FGD4: variants seen among roughly 807,000 people sequenced by gnomAD.
FGD4 encodes FYVE, RhoGEF and PH domain containing 4, also known as FYVE, RhoGEF and PH domain-containing protein 4.
FGD4 carries 42 observed loss-of-function variants against 102.0 expected under a neutral mutation model. The ratio of observed to expected loss-of-function variants is 0.41; its 90% CI spans 0.32 to 0.53. The LOEUF is 0.53. Ranked by LOEUF, FGD4 falls within the 20% of genes least tolerant of loss-of-function variation. FGD4 has a pLI of 0.21. For synonymous variants in FGD4, 380 were observed against 375.7 expected, an observed-to-expected ratio of 1.01 and a Z score of -0.13; for missense variants, 902 against 1,078.2, an observed-to-expected ratio of 0.84 and a Z score of 2.29.
chr12:32,431,184 A>T (rs1189434192), intron 1 of FGD4, among the ~76,000 whole-genome samples: 1 of 152,194 alleles, frequency 6.6e-6, no homozygotes. Context: ...TCATCATATA[A>T]TGTCATGAAT....
chr12:32,451,763 C>T (rs1942782192), intron 1 of FGD4, among the ~76,000 whole-genome samples: 1 of 136,882 alleles, frequency 7.3e-6, no homozygotes, highest in South Asian at 2.4e-4. Flanking sequence ...AAAAAATTAG[C>T]CGGGTATAGT....
chr12:32,603,390 A>ATT (rs369775159), intron 7 of FGD4, among the ~76,000 whole-genome samples: 258 of 146,746 alleles, frequency 1.8e-3, no homozygotes, highest in African/African-American at 5.8e-3. Flanking sequence ...TATTTTATTT[A>ATT]TTTTTTTTTT....
Position 32,592,210 on chromosome 12 carries a change from G to T in FGD4, c.1012-6287G>T, listed in dbSNP as rs763737569. Among the ~76,000 whole-genome samples the T allele has an allele frequency of 1.0e-3, 153 of 151,976 alleles. 4 individuals are homozygous for T. Among genetic ancestry groups the T allele is most frequent in the Non-Finnish European group, 2.1e-4 (14 of 67,990 alleles). ...CGATTCTCCTGCTTCAGCCTCCTGA[G>T]TAGCTGGGACTACAGGCGTGCGCCA... On this transcript the variant is annotated intron_variant, in intron 4 of 16. Transcript: ENST00000534526.
chr12:32,566,213 C>T (rs1287216665), intron 2 of FGD4, among the ~76,000 whole-genome samples: 1 of 152,120 alleles, frequency 6.6e-6, no homozygotes, highest in Non-Finnish European at 1.5e-5. Flanking sequence ...TATAACCTCA[C>T]AGGGTGGAAG....
At chr12:32,401,726 C>CTTTTTTT (rs34078307) in intron 1 of FGD4, among the ~76,000 whole-genome samples, 2 of 113,590 alleles carry the variant, frequency 1.8e-5, no homozygotes, top group Non-Finnish European at 3.5e-5. Flanking sequence ...CTTTTCCATT[C>CTTTTTTT]TTTTTTTTTT....
chr12:32,599,420 G>T (rs1948174588), intron 5 of FGD4, among the ~76,000 whole-genome samples: 2 of 121,818 alleles, frequency 1.6e-5, no homozygotes, highest in Admixed American at 8.6e-5. Flanking sequence ...CGTGAACCCG[G>T]GAGGCGGAGC....
At chr12:32,625,134 A>C in intron 13 of FGD4, 66 bp downstream of exon 13, 1 of 1,381,234 alleles carries the variant, frequency 7.2e-7, no homozygotes, top group South Asian at 1.2e-5. Flanking sequence ...AGATCTGTCT[A>C]ATCATTTTGT....
At chr12:32,611,915 G>C (rs1949163773) in intron 10 of FGD4, among the ~76,000 whole-genome samples, 1 of 152,200 alleles carries the variant, frequency 6.6e-6, no homozygotes. Flanking sequence ...GAAGCCCCCT[G>C]TACCCCTGCA....
At chr12:32,485,578 C>G (rs1376153502) in intron 1 of FGD4, among the ~76,000 whole-genome samples, 2 of 151,262 alleles carry the variant, frequency 1.3e-5, no homozygotes, top group African/African-American at 4.9e-5. Flanking sequence ...GCAGCTGGGA[C>G]TACAGGCGCC....
chr12:32,602,686 CT>C (rs1948499547), intron 7 of FGD4, among the ~76,000 whole-genome samples: 1 of 152,158 alleles, frequency 6.6e-6, no homozygotes, highest in Admixed American at 6.5e-5. Context: ...ACTAATCATT[CT>C]TTTTTTGTCA....
intron 1 of FGD4, among the ~76,000 whole-genome samples, chr12:32,400,328 G>A (rs1204813732): frequency 1.3e-5 from 2 of 152,208 alleles, no homozygotes. Flanking sequence ...AGCCGTGGTG[G>A]AGGCCTAATA....
At chr12:32,447,639 C>T (rs996475909) in intron 1 of FGD4, among the ~76,000 whole-genome samples, 3 of 152,214 alleles carry the variant, frequency 2.0e-5, no homozygotes, top group Admixed American at 6.5e-5. Context: ...GTTTAGCATT[C>T]TAGTCCTGAG....
chr12:32,569,960 A>C (rs554093238), intron 2 of FGD4, among the ~76,000 whole-genome samples: 1 of 152,218 alleles, frequency 6.6e-6, no homozygotes, highest in South Asian at 2.1e-4. Context: ...AATTCTGGTC[A>C]AGCTGGGCGT....
chr12:32,399,592 C>A lies in FGD4; in HGVS notation c.-202C>A, dbSNP rs1940561371. On this transcript the variant is annotated 5_prime_UTR_variant, in exon 1 of 17. Transcript: ENST00000534526. ...GAGACGCTGCGACTGCCGCAGGAGT[C>A]GCCGCAGCCAAACTCGCCGCGACGC... 7.6e-7 allele frequency: 1 copy of A among 1,321,410 alleles called. No individual in the cohort carries two copies. The highest frequency in any genetic ancestry group is 2.7e-4 in the Middle Eastern group (1 of 3,658). The allele number at this position is 1,321,410 out of a possible 1,614,324, so 81.9% of individuals were successfully genotyped here.
At chr12:32,537,033 C>T (rs1279528762) in intron 1 of FGD4, among the ~76,000 whole-genome samples, 12 of 151,936 alleles carry the variant, frequency 7.9e-5, no homozygotes, top group African/African-American at 1.2e-4. Flanking sequence ...CTCAGCCTCC[C>T]GAGTAGCTGG....
rs182246501 is a variant in FGD4 at position 32,488,068 on chromosome 12, A to G, written c.167-76069A>G. Among the ~76,000 whole-genome samples the G allele has an allele frequency of 8.2e-4, 125 of 152,280 alleles. No homozygotes were observed. In the East Asian group the frequency reaches 0.02, roughly 24 times the overall value. On this transcript the variant is annotated intron_variant, in intron 1 of 16. Transcript: ENST00000534526. ...GATAAATCAAGCATGGGCTGTGAAAATGTTGGTAACTGGAAAAACACAAAT... is the reference window on the plus strand; with the variant it reads ...GATAAATCAAGCATGGGCTGTGAAAGTGTTGGTAACTGGAAAAACACAAAT...
rs77841044 is a variant in FGD4 at position 32,589,525 on chromosome 12, G to A, written c.1011+7058G>A. Among the ~76,000 whole-genome samples, 1,408 of 152,288 alleles carry A rather than the reference G, an allele frequency of 9.2e-3. 6 individuals carry two copies. The highest frequency in any genetic ancestry group is 0.024 in the Middle Eastern group (7 of 294). ...CTAAGTCTTTAGACAGGTTAATTCA[G>A]TTATTTAATGTGTATACATATTCAG... On this transcript the variant is annotated intron_variant, in intron 4 of 16. Transcript: ENST00000534526.
chr12:32,443,066 A>G (rs1942497528), intron 1 of FGD4, among the ~76,000 whole-genome samples: 1 of 152,084 alleles, frequency 6.6e-6, no homozygotes, highest in African/African-American at 2.4e-5. Flanking sequence ...TGCATTTTGG[A>G]TTTAACCTCT....
intron 1 of FGD4, among the ~76,000 whole-genome samples, chr12:32,475,622 T>C (rs1943565198): frequency 6.6e-6 from 1 of 152,230 alleles, no homozygotes; most frequent in Non-Finnish European, 1.5e-5. Flanking sequence ...GATGAAAAAC[T>C]GTGATGATCC....
Sources: gnomAD v4.1 joint callset for allele counts (sites outside exome capture counted in the v4.1 genomes callset) on GRCh38, gnomAD v4.1.1 for gene constraint, MANE v1.5 for transcripts, NCBI Gene and HGNC (gene_info 2026-07-23, HGNC 2026-07-21) for gene names.